The following UBR1 variants were observed in gnomAD, a reference collection of about 807,000 sequenced individuals.
The protein encoded by UBR1 is E3 ubiquitin-protein ligase UBR1.
In UBR1, 102 loss-of-function variants were observed where a neutral mutation model predicts 242.1. The observed-to-expected ratio is 0.42, with a 90% CI of 0.36 to 0.50. The LOEUF (loss-of-function observed/expected upper bound fraction) is 0.50, where lower values mean the gene tolerates loss of function less well. Ranked by LOEUF, UBR1 falls within the 20% of genes least tolerant of loss-of-function variation. The probability of loss-of-function intolerance (pLI) is 0.01; values close to 1 mark genes in which losing one functional copy is unlikely to be tolerated. For synonymous variants in UBR1, 675 were observed against 684.8 expected, an observed-to-expected ratio of 0.99 and a Z score of 0.22; for missense variants, 1,772 against 2,101.8, an observed-to-expected ratio of 0.84 and a Z score of 3.07.
intron 30 of UBR1, among the ~76,000 whole-genome samples, chr15:43,005,469 G>T (rs915823882): frequency 9.4e-5 from 14 of 148,878 alleles, no homozygotes; most frequent in African/African-American, 2.5e-4. Flanking sequence ...GGAGGGAGGT[G>T]GGGGGGCAGC....
intron 36 of UBR1, 55 bp downstream of exon 36, chr15:42,984,832 G>A (rs567370762): frequency 2.1e-6 from 3 of 1,435,842 alleles, no homozygotes; most frequent in Non-Finnish European, 2.9e-6. Context: ...AATAAACTGT[G>A]GGGGGGAAAA....
At chr15:43,030,686 T>A (rs1295112499) in intron 20 of UBR1, among the ~76,000 whole-genome samples, 3 of 152,180 alleles carry the variant, frequency 2.0e-5, no homozygotes, top group African/African-American at 7.2e-5. Flanking sequence ...AAAATAAGTA[T>A]GAGAACTTCA....
intron 20 of UBR1, 30 bp from the exon 21 acceptor site, chr15:43,030,098 A>G (rs1277628398): frequency 6.2e-6 from 10 of 1,605,184 alleles, no homozygotes; most frequent in Admixed American, 1.7e-5. Flanking sequence ...ACAAAAAAAA[A>G]GTAGAATAAT....
Position 42,968,384 on chromosome 15 carries a change from A to AT in UBR1, c.4458-2099dup, listed in dbSNP as rs779715820. On this transcript the variant is annotated intron_variant, in intron 40 of 46. Coordinates refer to ENST00000290650, the MANE Select transcript of UBR1 (RefSeq NM_174916.3). ...AAGTCATGCTAAAAGCCCTTAACAGATTTTTTTTTTTTTTTTTAAATAGAG... is the reference window on the plus strand; with the variant it reads ...AAGTCATGCTAAAAGCCCTTAACAGATTTTTTTTTTTTTTTTTTAAATAGAG... Among the ~76,000 whole-genome samples, 588 of 140,504 alleles carry AT rather than the reference A, an allele frequency of 4.2e-3. 3 individuals are homozygous for AT. The highest frequency in any genetic ancestry group is 0.034 in the Middle Eastern group (9 of 266). 92.2% of individuals were successfully genotyped at this position (140,504 alleles called of 152,430 possible). A position where few individuals can be genotyped will look rare whatever the true frequency, so the allele number is the denominator to read the frequency against.
intron 2 of UBR1, 95 bp from the exon 3 acceptor site, chr15:43,082,811 G>T: frequency 1.1e-6 from 1 of 893,098 alleles, no homozygotes; most frequent in East Asian, 2.5e-5. Context: ...TTTCCTCTAT[G>T]GTACACAAAC....
Position 43,007,209 on chromosome 15 carries a change from C to T in UBR1, c.3285G>A (p.Val1095=). 1 of 1,614,096 alleles carries T rather than the reference C, an allele frequency of 6.2e-7. No homozygotes were observed. The highest frequency in any genetic ancestry group is 8.5e-7 in the Non-Finnish European group (1 of 1,180,030). ...KRGPSVTEKE[V]LTCILCQEEQ... is the part of the protein sequence containing the mutation. ...CTTCTTGGCAAAGGATGCACGTCAG[C>T]ACCTCCTTTTCAGTAACAGATGGAC... The change falls in exon 30 of 47, where the codon GTG becomes GTA. Residue 1095 remains valine, a synonymous_variant. Transcript: ENST00000290650.
Position 43,061,118 on chromosome 15 carries a change from T to G in UBR1, c.799-1004A>C, listed in dbSNP as rs2033679086. On this transcript the variant is annotated intron_variant, in intron 6 of 46. Coordinates refer to ENST00000290650, the MANE Select transcript of UBR1 (RefSeq NM_174916.3). The stretch of plus-strand genomic sequence containing the variant: ...GGAGGAAAACCACCTCACATCCATA[T>G]TTTTTGGCTGCTATCAAAAAATAAG... Among the ~76,000 whole-genome samples the G allele has an allele frequency of 2.0e-5, 3 of 152,184 alleles. No individual in the cohort carries two copies. In the South Asian group the frequency reaches 6.2e-4, roughly 32 times the overall value.
intron 35 of UBR1, among the ~76,000 whole-genome samples, chr15:42,987,220 T>G (rs2032478666): frequency 6.6e-6 from 1 of 152,152 alleles, no homozygotes; most frequent in African/African-American, 2.4e-5. Flanking sequence ...GCCCTCTCTA[T>G]GGGCTTAAGA....
chr15:43,058,486 A>G, intron 9 of UBR1, 57 bp from the exon 10 acceptor site: 1 of 1,237,770 alleles, frequency 8.1e-7, no homozygotes, highest in Non-Finnish European at 1.2e-6. Context: ...GGCAAAAACC[A>G]AAAACATTCT....
intron 6 of UBR1, among the ~76,000 whole-genome samples, chr15:43,061,206 G>A (rs1567140225): frequency 1.3e-5 from 2 of 152,260 alleles, no homozygotes; most frequent in East Asian, 1.9e-4. Flanking sequence ...TCCGAGCTCT[G>A]ACTCAGATGG....
In UBR1 at chr15:42,984,812, TG is replaced by T; in HGVS notation, c.4053+74del. 9.9e-6 allele frequency: 13 copies of T among 1,313,730 alleles called. No homozygotes were observed. In the African/African-American group the frequency reaches 1.8e-4, roughly 18 times the overall value. 81.4% of individuals were successfully genotyped at this position (1,313,730 alleles called of 1,614,324 possible). ...TTACAGAAAATGAGTAAAGATTTTT[TG>T]TTTTTAATAATAAACTGTGGGGGGG... On this transcript the variant is annotated intron_variant, in intron 36 of 46. Transcript: ENST00000290650.
chr15:43,101,417 A>C (rs2034232789), intron 1 of UBR1, among the ~76,000 whole-genome samples: 1 of 152,214 alleles, frequency 6.6e-6, no homozygotes, highest in Non-Finnish European at 1.5e-5. Context: ...GGGTGGAGAC[A>C]GAATTATTTG....
Position 43,056,365 on chromosome 15 carries a change from C to A in UBR1, c.1260G>T (p.Gln420His). 1 of 1,611,970 alleles carries A rather than the reference C, an allele frequency of 6.2e-7. No individual in the cohort carries two copies. The highest frequency in any genetic ancestry group is 8.5e-7 in the Non-Finnish European group (1 of 1,178,142). ...RSISITALSV[Q>H]MFTVPTLARH... is the part of the protein sequence containing the mutation. ...ATACCAGAGTAGGAACAGTAAACAT[C>A]TGAACTGAAAGTGCAGTTATAGAGA... Residue 420 changes from glutamine to histidine, a missense_variant, in exon 11 of 47, where the codon CAG becomes CAT. By Grantham distance (24) the Gln-to-His change is conservative (BLOSUM62 0). Around this residue, in one of 3 missense-constraint regions of UBR1, gnomAD observed 734 missense variants for 893.3 expected, o/e 0.82. Transcript: ENST00000290650.
intron 1 of UBR1, among the ~76,000 whole-genome samples, chr15:43,093,814 A>G (rs2034130845): frequency 6.6e-6 from 1 of 150,958 alleles, no homozygotes; most frequent in Admixed American, 6.6e-5. Flanking sequence ...AAAAAAAACC[A>G]AAAAGGCAAG....
rs1170939619 is a variant in UBR1 at position 43,038,237 on chromosome 15, A to G, written c.1850-5T>C. ...TGCTTAAACGTACATGAAGACCTAA[A>G]GTTAAAAAAACGAGAGAGAAAATGA... On this transcript the variant is annotated splice_region_variant and splice_polypyrimidine_tract_variant and intron_variant, in intron 15 of 46. Coordinates refer to ENST00000290650, the MANE Select transcript of UBR1 (RefSeq NM_174916.3). 2 of 1,614,044 alleles carry G rather than the reference A, an allele frequency of 1.2e-6. No individual in the cohort carries two copies. The highest frequency in any genetic ancestry group is 1.7e-6 in the Non-Finnish European group (2 of 1,179,928).
chr15:43,007,410 G>A (rs1159789888), intron 29 of UBR1, 126 bp from the exon 30 acceptor site: 22 of 892,780 alleles, frequency 2.5e-5, no homozygotes, highest in Admixed American at 6.5e-5. Context: ...ATGATATTTA[G>A]CAATATTAAG....
At chr15:43,028,297 G>GT (rs1337442687) in intron 21 of UBR1, among the ~76,000 whole-genome samples, 1 of 152,078 alleles carries the variant, frequency 6.6e-6, no homozygotes, top group Non-Finnish European at 1.5e-5. Flanking sequence ...CCTTTTGCAA[G>GT]TTTTTTTCTG....
At chr15:42,957,967 G>C in intron 44 of UBR1, 46 bp downstream of exon 44, 1 of 1,522,512 alleles carries the variant, frequency 6.6e-7, no homozygotes. Flanking sequence ...TGCGAGTTCA[G>C]AAAATGATTT....
intron 19 of UBR1, among the ~76,000 whole-genome samples, chr15:43,034,387 C>T (rs1596111333): frequency 6.6e-6 from 1 of 150,482 alleles, no homozygotes; most frequent in Non-Finnish European, 1.5e-5. Context: ...TTGCTTTGAG[C>T]CAAGATGGCG....
Sources: gnomAD v4.1 joint callset for allele counts (sites outside exome capture counted in the v4.1 genomes callset) on GRCh38, gnomAD v4.1.1 for gene constraint, gnomAD v4.1.1 regional missense constraint, MANE v1.5 for transcripts, NCBI Gene and HGNC (gene_info 2026-07-23, HGNC 2026-07-21) for gene names.